UBN1: variants seen among roughly 807,000 people sequenced by gnomAD.
UBN1 encodes ubinuclein-1.
UBN1 carries 17 observed loss-of-function variants against 108.5 expected under a neutral mutation model. The observed-to-expected ratio is 0.16, with a 90% CI of 0.11 to 0.24. The LOEUF is 0.24. UBN1 is among the 10% of genes least tolerant of loss of function. The pLI, the probability that UBN1 is intolerant of heterozygous loss-of-function variation, is 1.00. For synonymous variants in UBN1, 726 were observed against 564.2 expected, an observed-to-expected ratio of 1.29 and a Z score of -4.07; for missense variants, 1,595 against 1,394.4, an observed-to-expected ratio of 1.14 and a Z score of -2.29.
At chr16:4,862,436 G>C (rs1487693569) in intron 7 of UBN1, among the ~76,000 whole-genome samples, 3 of 152,186 alleles carry the variant, frequency 2.0e-5, no homozygotes, top group African/African-American at 7.2e-5. Flanking sequence ...TTGGGGTTTG[G>C]AGTATCTCTT....
At chr16:4,851,578 A>G (rs766509604) in intron 1 of UBN1, among the ~76,000 whole-genome samples, 26 of 152,074 alleles carry the variant, frequency 1.7e-4, no homozygotes, top group Non-Finnish European at 4.4e-5. Context: ...ACAAAGTTAT[A>G]ATTTCCTTGG....
At chr16:4,865,969 A>T (rs1025188843) in intron 7 of UBN1, among the ~76,000 whole-genome samples, 52 of 152,180 alleles carry the variant, frequency 3.4e-4, no homozygotes, top group African/African-American at 1.2e-3. Flanking sequence ...CTCAAAAACT[A>T]AACTAAAATA....
intron 2 of UBN1, among the ~76,000 whole-genome samples, chr16:4,855,384 A>G (rs994121443): frequency 9.9e-5 from 15 of 151,920 alleles, no homozygotes; most frequent in Non-Finnish European, 1.0e-4. Context: ...GGAGTCTGAG[A>G]CATGAGGATC....
intron 11 of UBN1, 59 bp downstream of exon 11, chr16:4,871,031 G>T (rs556955300): frequency 6.2e-7 from 1 of 1,607,776 alleles, no homozygotes; most frequent in African/African-American, 1.3e-5. Flanking sequence ...GTCTGAGCAC[G>T]TCCCCTATTG....
At chr16:4,854,572 GC>G in intron 2 of UBN1, among the ~76,000 whole-genome samples, 1 of 147,126 alleles carries the variant, frequency 6.8e-6, no homozygotes. Context: ...AACCATGTAG[GC>G]CATGCTGGTC....
At chr16:4,862,948 G>A (rs2087139144) in intron 7 of UBN1, among the ~76,000 whole-genome samples, 2 of 152,202 alleles carry the variant, frequency 1.3e-5, no homozygotes, top group Admixed American at 6.5e-5. Context: ...GGGAGCTGGT[G>A]ACCAGGAGAG....
At chr16:4,861,660 G>A (rs758650421) in intron 7 of UBN1, among the ~76,000 whole-genome samples, 1 of 152,204 alleles carries the variant, frequency 6.6e-6, no homozygotes, top group Non-Finnish European at 1.5e-5. Context: ...ACCCACCATC[G>A]GCAGGGTGCA....
chr16:4,861,120 G>A lies in UBN1; in HGVS notation c.1110+18G>A, dbSNP rs1235008752. ...TGGCTCAGGTATGGTGGCACAGTGC[G>A]GCTGGGCTTTCCTGGAAGCAGTTTG... On this transcript the variant is annotated intron_variant, in intron 7 of 17. Coordinates refer to ENST00000262376, the MANE Select transcript of UBN1 (RefSeq NM_001079514.3). 14 of 1,599,614 alleles carry A rather than the reference G, an allele frequency of 8.8e-6. No homozygotes were observed. The highest frequency in any genetic ancestry group is 1.3e-5 in the African/African-American group (1 of 74,614).
At chr16:4,855,424 G>A (rs1241320409) in intron 2 of UBN1, among the ~76,000 whole-genome samples, 1 of 152,052 alleles carries the variant, frequency 6.6e-6, no homozygotes. Flanking sequence ...AGACTAGCCT[G>A]GGCAACATAG....
At chr16:4,859,216 A>G (rs972715459) in intron 5 of UBN1, 57 bp downstream of exon 5, 198 of 1,584,948 alleles carry the variant, frequency 1.2e-4, no homozygotes, top group Non-Finnish European at 1.6e-4. Context: ...ACCCTATCAG[A>G]TCAGTAGGTG....
chr16:4,847,906 GCGGGGTCC>G lies in UBN1; in HGVS notation c.-341_-334del. On this transcript the variant is annotated 5_prime_UTR_variant, in exon 1 of 18. Coordinates refer to ENST00000262376, the MANE Select transcript of UBN1 (RefSeq NM_001079514.3). ...CCGCTTTCGGAGGCGCCGTCTGAGC[GCGGGGTCC>G]CGCGCCGCAAGTTCTCCTGGGGCGA... 1 of 152,556 alleles carries G rather than the reference GCGGGGTCC, an allele frequency of 6.6e-6. No homozygotes were observed. Among genetic ancestry groups the G allele is most frequent in the Non-Finnish European group, 1.5e-5 (1 of 68,222 alleles). 9.5% of individuals were successfully genotyped at this position (152,556 alleles called of 1,614,324 possible). A position where few individuals can be genotyped will look rare whatever the true frequency, so the allele number is the denominator to read the frequency against.
chr16:4,859,227 A>G, intron 5 of UBN1, 68 bp downstream of exon 5: 2 of 1,570,416 alleles, frequency 1.3e-6, no homozygotes, highest in South Asian at 2.3e-5. Flanking sequence ...TCAGTAGGTG[A>G]CTTGCCAGAA....
chr16:4,880,234 C>A lies in UBN1; in HGVS notation c.*102C>A. On this transcript the variant is annotated 3_prime_UTR_variant, in exon 18 of 18. Coordinates refer to ENST00000262376, the MANE Select transcript of UBN1 (RefSeq NM_001079514.3). ...TGCGCCCTTTCTGCTGCTTGGTGTT[C>A]TTCTGGAGGAGCGTGAGTTCTCAGC... 1.5e-6 allele frequency: 2 copies of A among 1,343,362 alleles called. No homozygotes were observed. Among genetic ancestry groups the A allele is most frequent in the African/African-American group, 1.4e-5 (1 of 69,710 alleles). 83.2% of individuals were successfully genotyped at this position (1,343,362 alleles called of 1,614,324 possible).
intron 2 of UBN1, among the ~76,000 whole-genome samples, chr16:4,855,200 T>C (rs1321155871): frequency 1.3e-5 from 2 of 152,160 alleles, no homozygotes; most frequent in Non-Finnish European, 2.9e-5. Flanking sequence ...TGAAATCATG[T>C]TGTGAATTTT....
intron 1 of UBN1, among the ~76,000 whole-genome samples, chr16:4,850,270 C>G (rs1048512747): frequency 6.6e-6 from 1 of 152,110 alleles, no homozygotes; most frequent in African/African-American, 2.4e-5. Context: ...CTTCTTGGGC[C>G]TGGAGAGTCA....
intron 15 of UBN1, 22 bp from the exon 16 acceptor site, chr16:4,876,849 G>A (rs538716682): frequency 9.0e-6 from 14 of 1,560,844 alleles, no homozygotes; most frequent in South Asian, 3.7e-5. Context: ...AGTTCTTACC[G>A]CTTGCTGTGT....
chr16:4,855,955 T>C (rs1222739963), intron 2 of UBN1, among the ~76,000 whole-genome samples: 2 of 152,148 alleles, frequency 1.3e-5, no homozygotes, highest in Non-Finnish European at 2.9e-5. Context: ...AAAAAGTGTT[T>C]CCTTGATTGA....
At chr16:4,875,745 G>C (rs377505493) in intron 15 of UBN1, among the ~76,000 whole-genome samples, 1 of 152,120 alleles carries the variant, frequency 6.6e-6, no homozygotes, top group Non-Finnish European at 1.5e-5. Context: ...CTTGCCTTCC[G>C]TGACCCCTTG....
chr16:4,878,180 C>G (rs759163271), intron 17 of UBN1, among the ~76,000 whole-genome samples: 6 of 152,262 alleles, frequency 3.9e-5, no homozygotes, highest in Non-Finnish European at 8.8e-5. Flanking sequence ...GCATTGAGTG[C>G]GTCTGCCTCA....
Sources: gnomAD v4.1 joint callset for allele counts (sites outside exome capture counted in the v4.1 genomes callset) on GRCh38, gnomAD v4.1.1 for gene constraint, MANE v1.5 for transcripts, NCBI Gene and HGNC (gene_info 2026-07-23, HGNC 2026-07-21) for gene names.